PCBP3: variants seen among roughly 807,000 people sequenced by gnomAD.
PCBP3 encodes poly(rC)-binding protein 3.
Under a neutral mutation model 52.7 loss-of-function variants are expected in PCBP3, and 25 were observed. That is an observed-to-expected ratio of 0.47 (90% CI 0.35 to 0.66). The LOEUF is 0.66. PCBP3 is among the 30% of genes least tolerant of loss of function. The pLI is 0.01. For synonymous variants in PCBP3, 162 were observed against 183.0 expected, an observed-to-expected ratio of 0.89 and a Z score of 0.93; for missense variants, 391 against 490.3, an observed-to-expected ratio of 0.80 and a Z score of 1.91.
At chr21:45,781,072 C>T (rs902847735) in intron 4 of PCBP3, among the ~76,000 whole-genome samples, 1 of 152,138 alleles carries the variant, frequency 6.6e-6, no homozygotes, top group Non-Finnish European at 1.5e-5. Flanking sequence ...ATCTGATCAA[C>T]CACCTTGAGG....
At chr21:45,658,768 G>T (rs2080186989) in intron 1 of PCBP3, among the ~76,000 whole-genome samples, 1 of 152,142 alleles carries the variant, frequency 6.6e-6, no homozygotes, top group South Asian at 2.1e-4. Flanking sequence ...TTAAATGTTT[G>T]ATAGAATTTA....
chr21:45,700,912 A>G (rs1003056209), intron 2 of PCBP3, among the ~76,000 whole-genome samples: 1 of 152,080 alleles, frequency 6.6e-6, no homozygotes, highest in African/African-American at 2.4e-5. Flanking sequence ...TCCCTCCTAA[A>G]GTACTGAAAA....
chr21:45,720,422 G>A (rs866892414), intron 2 of PCBP3, among the ~76,000 whole-genome samples: 7 of 152,102 alleles, frequency 4.6e-5, no homozygotes, highest in Admixed American at 6.5e-5. Flanking sequence ...TGGCTGCATA[G>A]TATTCCATGG....
chr21:45,817,733 A>G lies in PCBP3; in HGVS notation c.-125-32228A>G, dbSNP rs753074808. Among the ~76,000 whole-genome samples the G allele has an allele frequency of 6.6e-5, 10 of 152,164 alleles. No individual in the cohort carries two copies. The highest frequency in any genetic ancestry group is 1.0e-4 in the Non-Finnish European group (7 of 68,042). On this transcript the variant is annotated intron_variant, in intron 4 of 17. Transcript: ENST00000681687. The surrounding 1 kb of genome is among the most constrained non-coding windows in gnomAD (Gnocchi z 4.3). ...CACACTTGCTTCTTATTTCTGTCCAATTCTTAAGGTTTTTACTGTGGGATC... is the reference window on the plus strand; with the variant it reads ...CACACTTGCTTCTTATTTCTGTCCAGTTCTTAAGGTTTTTACTGTGGGATC...
intron 5 of PCBP3, among the ~76,000 whole-genome samples, chr21:45,874,414 AC>A (rs1469597162): frequency 6.6e-6 from 1 of 151,952 alleles, no homozygotes; most frequent in Non-Finnish European, 1.5e-5. Context: ...TATAATTTCT[AC>A]ATAGAGGTTT....
chr21:45,666,390 C>T (rs1358284181), intron 1 of PCBP3, among the ~76,000 whole-genome samples: 2 of 151,944 alleles, frequency 1.3e-5, no homozygotes, highest in African/African-American at 4.8e-5. Flanking sequence ...GGGTTACAAA[C>T]AAGTTACATT....
intron 5 of PCBP3, among the ~76,000 whole-genome samples, chr21:45,895,448 A>G (rs547061034): frequency 2.6e-5 from 4 of 152,012 alleles, no homozygotes; most frequent in Non-Finnish European, 5.9e-5. Flanking sequence ...AGAGCCCAGT[A>G]CCTCGGAGCA....
chr21:45,915,594 A>G (rs2073255767), intron 12 of PCBP3: 1 of 152,136 alleles, frequency 6.6e-6, no homozygotes, highest in African/African-American at 2.4e-5. Flanking sequence ...CCGGCCACAC[A>G]CCTCTCACTC....
intron 13 of PCBP3, among the ~76,000 whole-genome samples, chr21:45,923,301 A>G (rs1237261446): frequency 2.6e-5 from 4 of 152,022 alleles, no homozygotes; most frequent in Admixed American, 6.5e-5. Flanking sequence ...AGCCTCTCTC[A>G]CTCTGAAGCC....
intron 6 of PCBP3, among the ~76,000 whole-genome samples, chr21:45,898,358 A>ACAGCC (rs879473481): frequency 0.35 from 14,454 of 41,858 alleles, 3,530 homozygotes; most frequent in Middle Eastern, 0.54. Flanking sequence ...CACCATCCTC[A>ACAGCC]TGGTCTCCCT....
intron 2 of PCBP3, chr21:45,728,625 GAGTT>G (rs2085235003): frequency 6.6e-6 from 1 of 152,116 alleles, no homozygotes. Context: ...TTTTCTAGAT[GAGTT>G]AGTAAGAAAT....
chr21:45,706,039 G>T (rs2083429553), intron 2 of PCBP3, among the ~76,000 whole-genome samples: 1 of 152,236 alleles, frequency 6.6e-6, no homozygotes, highest in Non-Finnish European at 1.5e-5. Flanking sequence ...AAGACACTCA[G>T]TTGTCAAAGA....
chr21:45,726,000 C>T (rs1392846051), intron 2 of PCBP3, among the ~76,000 whole-genome samples: 2 of 152,090 alleles, frequency 1.3e-5, no homozygotes, highest in African/African-American at 2.4e-5. Context: ...TGCAGAGGCT[C>T]GCCCTGGCTG....
In PCBP3 at chr21:45,919,969, G is replaced by C. The variant is rs568115962; in HGVS notation, c.717+2340G>C. On this transcript the variant is annotated intron_variant, in intron 13 of 17. Transcript: ENST00000681687. ...AGGGGAGTCAGAGGCGACTTTCTGG[G>C]GTGGCCCAGTTCCATTAAGGACTCA... Among the ~76,000 whole-genome samples, 13 of 152,332 alleles carry C rather than the reference G, an allele frequency of 8.5e-5. No homozygotes were observed. The East Asian group carries it at 1.9e-3, about 23-fold the overall frequency.
At chr21:45,815,987 T>G (rs1603442436) in intron 4 of PCBP3, among the ~76,000 whole-genome samples, 1 of 110,822 alleles carries the variant, frequency 9.0e-6, no homozygotes, top group African/African-American at 3.7e-5. Context: ...TGGTGAGTGG[T>G]GAGTGAGTGG....
chr21:45,815,565 G>A, intron 4 of PCBP3, among the ~76,000 whole-genome samples: 1 of 93,748 alleles, frequency 1.1e-5, no homozygotes, highest in African/African-American at 4.5e-5. Context: ...GGTGAGTGGT[G>A]AGTGAGTGGT....
At chr21:45,860,013 T>C (rs1226064219) in intron 5 of PCBP3, among the ~76,000 whole-genome samples, 1 of 152,092 alleles carries the variant, frequency 6.6e-6, no homozygotes, top group Non-Finnish European at 1.5e-5. Flanking sequence ...CTCTGACAAA[T>C]GCACCCAGGA....
At chr21:45,709,613 A>G (rs764984371) in intron 2 of PCBP3, among the ~76,000 whole-genome samples, 1 of 151,868 alleles carries the variant, frequency 6.6e-6, no homozygotes, top group Middle Eastern at 3.4e-3. Flanking sequence ...ATGGTGTTAG[A>G]TTTACAGAAT....
intron 9 of PCBP3, chr21:45,901,482 A>G (rs1323933923): frequency 1.1e-5 from 3 of 269,754 alleles, no homozygotes; most frequent in African/African-American, 2.2e-5. Context: ...GCCTCCAGCC[A>G]GCTCTGCCAC....
Sources: gnomAD v4.1 joint callset for allele counts (sites outside exome capture counted in the v4.1 genomes callset) on GRCh38, gnomAD v4.1.1 for gene constraint, Gnocchi (gnomAD v3.1) non-coding constraint, MANE v1.5 for transcripts, NCBI Gene and HGNC (gene_info 2026-07-23, HGNC 2026-07-21) for gene names.